The following TRPV3 variants were observed in gnomAD, a reference collection of about 807,000 sequenced individuals.
TRPV3 encodes transient receptor potential cation channel subfamily V member 3, also known as VRL-3.
In TRPV3, 88 loss-of-function variants were observed where a neutral mutation model predicts 87.1. That is an observed-to-expected ratio of 1.01 (90% CI 0.85 to 1.21). The LOEUF is 1.21. Ranked by LOEUF, TRPV3 falls within the 50% of genes most tolerant of loss-of-function variation. The probability of loss-of-function intolerance (pLI) is 0.00; values close to 1 mark genes in which losing one functional copy is unlikely to be tolerated. For synonymous variants in TRPV3, 438 were observed against 423.3 expected, an observed-to-expected ratio of 1.03 and a Z score of -0.43; for missense variants, 1,054 against 1,030.1, an observed-to-expected ratio of 1.02 and a Z score of -0.32.
At chr17:3,517,810 CTTTT>C (rs71153363) in intron 15 of TRPV3, among the ~76,000 whole-genome samples, 1 of 113,172 alleles carries the variant, frequency 8.8e-6, no homozygotes. Flanking sequence ...ATGAGCATTT[CTTTT>C]TTTTTTTTTT....
At chr17:3,535,474 C>G (rs1026074118) in intron 7 of TRPV3, 99 bp downstream of exon 7, 3 of 1,267,566 alleles carry the variant, frequency 2.4e-6, no homozygotes, top group African/African-American at 3.3e-5. Flanking sequence ...TCTTTCTTCC[C>G]CCCTCCTCCC....
At chr17:3,533,830 A>T (rs454106) in intron 7 of TRPV3, among the ~76,000 whole-genome samples, 1 of 151,986 alleles carries the variant, frequency 6.6e-6, no homozygotes, top group Non-Finnish European at 1.5e-5. Flanking sequence ...TTATCATTTC[A>T]TATCATAGTA....
At chr17:3,547,819 G>A (rs78165683) in intron 2 of TRPV3, among the ~76,000 whole-genome samples, 4,577 of 152,242 alleles carry the variant, frequency 0.03, 195 homozygotes, top group African/African-American at 0.098. Flanking sequence ...GAGCCCCAGC[G>A]AAGGAGAGAC....
chr17:3,522,175 T>C (rs1369175629), intron 13 of TRPV3, among the ~76,000 whole-genome samples: 2 of 152,168 alleles, frequency 1.3e-5, no homozygotes, highest in Non-Finnish European at 2.9e-5. Context: ...TACAATTGTG[T>C]GTGCTTTTGA....
intron 11 of TRPV3, 187 bp downstream of exon 11, chr17:3,527,838 A>G (rs1294786593): frequency 3.4e-6 from 2 of 593,040 alleles, no homozygotes; most frequent in Non-Finnish European, 6.0e-6. Flanking sequence ...AGAGAAGTAG[A>G]TGGATGAAGT....
At chr17:3,527,996 G>C in intron 11 of TRPV3, 29 bp downstream of exon 11, 1 of 1,571,422 alleles carries the variant, frequency 6.4e-7, no homozygotes, top group Non-Finnish European at 8.7e-7. Context: ...CTCGCGGGGC[G>C]GTCTGGAAGG....
intron 2 of TRPV3, among the ~76,000 whole-genome samples, chr17:3,549,639 GGATGGGTGGAT>G (rs1306969386): frequency 1.3e-5 from 2 of 152,130 alleles, no homozygotes; most frequent in African/African-American, 2.4e-5. Context: ...ATAGAATGAG[GGATGGGTGGAT>G]GATGGATGGA....
chr17:3,549,942 GATGT>G (rs1280519785), intron 2 of TRPV3, among the ~76,000 whole-genome samples: 2 of 150,618 alleles, frequency 1.3e-5, no homozygotes, highest in East Asian at 2.0e-4. Flanking sequence ...ATGGACAGAT[GATGT>G]ATGGATGGAT....
intron 6 of TRPV3, among the ~76,000 whole-genome samples, chr17:3,538,068 A>T (rs530965438): frequency 6.5e-4 from 98 of 150,664 alleles, no homozygotes; most frequent in Admixed American, 1.2e-3. Context: ...CGTGATGGTG[A>T]GTGCCTGTAG....
At chr17:3,516,347 T>C (rs1029817528) in intron 16 of TRPV3, 110 bp downstream of exon 16, 3 of 846,560 alleles carry the variant, frequency 3.5e-6, no homozygotes, top group South Asian at 1.5e-5. Flanking sequence ...ACAGTAGCTG[T>C]GGTTATGGTT....
At chr17:3,523,438 G>A (rs1209360597) in intron 13 of TRPV3, among the ~76,000 whole-genome samples, 1 of 152,104 alleles carries the variant, frequency 6.6e-6, no homozygotes, top group Middle Eastern at 3.2e-3. Flanking sequence ...CAACAAATAG[G>A]CCTGGCGCGG....
Position 3,524,312 on chromosome 17 carries a change from G to A in TRPV3, c.1629C>T (p.Ala543=), listed in dbSNP as rs1228648432. 6.2e-7 allele frequency: 1 copy of A among 1,614,114 alleles called. No homozygotes were observed. Among genetic ancestry groups the A allele is most frequent in the Non-Finnish European group, 8.5e-7 (1 of 1,180,058 alleles). ...VILSVFLYLF[A]YKEYLACLVL... ...CGAGGCAGGCGAGGTACTCTTTGTA[G>A]GCAAACAAGTACAAGAAGACAGACA... Residue 543 remains alanine, a synonymous_variant, in exon 13 of 18, where the codon GCC becomes GCT. Transcript: ENST00000576742.
chr17:3,527,297 G>A (rs949422263), intron 11 of TRPV3, among the ~76,000 whole-genome samples: 9 of 152,028 alleles, frequency 5.9e-5, no homozygotes, highest in East Asian at 5.8e-4. Flanking sequence ...TGTCCTCATC[G>A]TCCTCGTGCC....
Position 3,528,720 on chromosome 17 carries a change from G to T in TRPV3, c.1401+117C>A, listed in dbSNP as rs560024416. 40 of 1,249,044 alleles carry T rather than the reference G, an allele frequency of 3.2e-5. No individual in the cohort carries two copies. In the African/African-American group the frequency reaches 5.6e-4, roughly 17 times the overall value. The allele number at this position is 1,249,044 out of a possible 1,614,324, so 77.4% of individuals were successfully genotyped here. Reference sequence around the variant, plus strand: ...TGGGAAGCGTGAAGGACAACTGGGGGACCCCGCCCAATCTCCTGGTCTCTC... The same window carrying T: ...TGGGAAGCGTGAAGGACAACTGGGGTACCCCGCCCAATCTCCTGGTCTCTC... On this transcript the variant is annotated intron_variant, in intron 10 of 17. Transcript: ENST00000576742. This position sits in a 1 kb window ranked among gnomAD's most constrained non-coding sequence, Gnocchi z 4.2.
intron 6 of TRPV3, among the ~76,000 whole-genome samples, chr17:3,540,088 T>TAAAC (rs1386629737): frequency 7.7e-4 from 114 of 148,694 alleles, no homozygotes; most frequent in Non-Finnish European, 1.4e-3. Flanking sequence ...AATAAATAAA[T>TAAAC]AAATAAACAA....
chr17:3,530,225 C>T lies in TRPV3; in HGVS notation c.1066-22G>A, dbSNP rs746937730. 1.6e-5 allele frequency: 26 copies of T among 1,600,300 alleles called. No homozygotes were observed. In the East Asian group the frequency reaches 3.8e-4, roughly 23 times the overall value. ...GGATCTGGGACAGGAGGAGGAACAA[C>T]CATCAGCTGCAGAACAGGGGCTTAA... On this transcript the variant is annotated intron_variant, in intron 8 of 17. Transcript: ENST00000576742. This position sits in a 1 kb window ranked among gnomAD's most constrained non-coding sequence, Gnocchi z 4.0.
At chr17:3,537,541 G>A (rs572463370) in intron 6 of TRPV3, among the ~76,000 whole-genome samples, 58 of 152,236 alleles carry the variant, frequency 3.8e-4, no homozygotes, top group East Asian at 1.3e-3. Context: ...CTGTATTTCC[G>A]AATGCATCCT....
At chr17:3,547,340 G>C (rs2074536131) in intron 2 of TRPV3, among the ~76,000 whole-genome samples, 1 of 152,192 alleles carries the variant, frequency 6.6e-6, no homozygotes, top group Non-Finnish European at 1.5e-5. Context: ...GCTGATCTAG[G>C]CTGGGTGCAG....
intron 5 of TRPV3, among the ~76,000 whole-genome samples, chr17:3,543,103 G>A (rs1286770453): frequency 6.6e-6 from 1 of 151,292 alleles, no homozygotes; most frequent in Non-Finnish European, 1.5e-5. Context: ...AGCTACCCAA[G>A]TCTAAATGGC....
Sources: allele counts gnomAD v4.1 joint callset (sites outside exome capture counted in the v4.1 genomes callset), GRCh38; gene constraint gnomAD v4.1.1; non-coding constraint Gnocchi (gnomAD v3.1); transcripts MANE v1.5; gene names NCBI Gene and HGNC (gene_info 2026-07-23, HGNC 2026-07-21).